Variants in EDA observed in about 807,000 individuals in gnomAD.
The protein encoded by EDA is ectodysplasin-A.
Under a neutral mutation model 23.6 loss-of-function variants are expected in EDA, and 2 were observed. The ratio of observed to expected loss-of-function variants is 0.08; its 90% CI spans 0.03 to 0.27. The LOEUF is 0.27. Among genes scored for constraint, EDA ranks in the 10% least tolerant of loss-of-function variants. The probability of loss-of-function intolerance (pLI) is 1.00; values close to 1 mark genes in which losing one functional copy is unlikely to be tolerated. For synonymous variants in EDA, 131 were observed against 132.0 expected, an observed-to-expected ratio of 0.99 and a Z score of 0.05; for missense variants, 229 against 324.2, an observed-to-expected ratio of 0.71 and a Z score of 2.26.
At chrX:69,990,276 G>A (rs1241338637) in intron 2 of EDA, among the ~76,000 whole-genome samples, 2 of 111,092 alleles carry the variant, frequency 1.8e-5, no homozygotes, top group African/African-American at 6.6e-5. Context: ...TGGAAGTGTA[G>A]GTCCCACACT....
At chrX:69,812,858 T>C (rs1380271938) in intron 1 of EDA, among the ~76,000 whole-genome samples, 1 of 111,857 alleles carries the variant, frequency 8.9e-6, no homozygotes, top group Non-Finnish European at 1.9e-5. Context: ...TTGGTACTCT[T>C]GAAATGTATT....
chrX:69,959,726 T>C (rs1402275265), intron 2 of EDA, among the ~76,000 whole-genome samples: 1 of 110,985 alleles, frequency 9.0e-6, no homozygotes, highest in African/African-American at 3.3e-5. Context: ...TGATAAGTGG[T>C]ATGAAGAAAA....
intron 1 of EDA, among the ~76,000 whole-genome samples, chrX:69,817,784 C>T (rs1226364942): frequency 9.0e-6 from 1 of 111,495 alleles, no homozygotes; most frequent in Non-Finnish European, 1.9e-5. Context: ...GAAGCTTTGA[C>T]ACCCCACTGA....
chrX:70,020,580 C>CATTGTTTATAAATGTACATAACATATAA (rs2020020283), intron 2 of EDA, among the ~76,000 whole-genome samples: 1 of 110,309 alleles, frequency 9.1e-6, no homozygotes, highest in East Asian at 2.8e-4. Flanking sequence ...AAAAGTACAT[C>CATTGTTTATAAATGTACATAACATATAA]ATTGTTTATA....
At chrX:69,916,396 C>CTTTTTTTTTTTT (rs782071176) in intron 1 of EDA, among the ~76,000 whole-genome samples, 3 of 58,151 alleles carry the variant, frequency 5.2e-5, no homozygotes, top group African/African-American at 7.4e-5. Flanking sequence ...CTCTACTGTT[C>CTTTTTTTTTTTT]TTTTTTTTTT....
At chrX:69,842,642 G>A (rs944417531) in intron 1 of EDA, among the ~76,000 whole-genome samples, 1 of 111,714 alleles carries the variant, frequency 9.0e-6, no homozygotes, top group Non-Finnish European at 1.9e-5. Context: ...GCTTGGATCT[G>A]TGTCCCCACC....
intron 2 of EDA, among the ~76,000 whole-genome samples, chrX:69,958,581 C>T (rs2019053790): frequency 9.1e-6 from 1 of 109,687 alleles, no homozygotes; most frequent in Non-Finnish European, 1.9e-5. Context: ...GAGGTGGCAG[C>T]AGCATTGAGC....
chrX:69,896,398 A>AGTGT lies in EDA; in HGVS notation c.397-60598_397-60595dup, dbSNP rs373119823. On this transcript the variant is annotated intron_variant, in intron 1 of 7. Coordinates refer to ENST00000374552, the MANE Select transcript of EDA (RefSeq NM_001399.5). ...GAAAGATGATAAGGGTATGTGCATC[A>AGTGT]GTGTGTGTGTGTGTGTGTGTGTGTG... Among the ~76,000 whole-genome samples, 713 of 97,300 alleles carry AGTGT rather than the reference A, an allele frequency of 7.3e-3. 5 individuals carry two copies. Among genetic ancestry groups the AGTGT allele is most frequent in the African/African-American group, 0.021 (536 of 26,128 alleles). The allele number at this position is 97,300 out of a possible 115,157, so 84.5% of individuals were successfully genotyped here. A position where few individuals can be genotyped will look rare whatever the true frequency, so the allele number is the denominator to read the frequency against.
intron 1 of EDA, among the ~76,000 whole-genome samples, chrX:69,916,703 C>T (rs1203343372): frequency 2.7e-5 from 3 of 110,525 alleles, no homozygotes; most frequent in African/African-American, 9.9e-5. Context: ...CCACACCCGG[C>T]CTAATCTCTT....
intron 1 of EDA, among the ~76,000 whole-genome samples, chrX:69,808,295 C>T (rs1376015334): frequency 1.8e-5 from 2 of 111,659 alleles, no homozygotes; most frequent in Admixed American, 1.9e-4. Context: ...AGAATAGTCC[C>T]ATATGGCAGA....
intron 1 of EDA, among the ~76,000 whole-genome samples, chrX:69,723,440 A>G (rs2214068): frequency 0.34 from 37,281 of 111,063 alleles, 5,238 homozygotes; most frequent in Middle Eastern, 0.57. Flanking sequence ...AATGAAGTTT[A>G]TGAGTCACTT....
At chrX:69,617,280 T>A (rs1343436649) in intron 1 of EDA, 1 of 142,682 alleles carries the variant, frequency 7.0e-6, no homozygotes, top group Non-Finnish European at 1.5e-5. Flanking sequence ...CTAGTGAGGA[T>A]CAGCGCCCCT....
chrX:69,766,978 C>G (rs1003534389), intron 1 of EDA, among the ~76,000 whole-genome samples: 9 of 111,265 alleles, frequency 8.1e-5, no homozygotes, highest in African/African-American at 2.9e-4. Context: ...TTGAGTTGGC[C>G]TTTGCTGAAG....
At chrX:69,623,274 A>G (rs1452867969) in intron 1 of EDA, among the ~76,000 whole-genome samples, 2 of 112,026 alleles carry the variant, frequency 1.8e-5, no homozygotes, top group Non-Finnish European at 3.8e-5. Context: ...TCACCATTTT[A>G]TGGTATTCAG....
chrX:70,005,701 A>G (rs973605521), intron 2 of EDA, among the ~76,000 whole-genome samples: 1 of 109,869 alleles, frequency 9.1e-6, no homozygotes, highest in African/African-American at 3.3e-5. Flanking sequence ...GGTATGTGAA[A>G]GGTGTGGTGG....
intron 1 of EDA, among the ~76,000 whole-genome samples, chrX:69,865,253 TAGAC>T (rs1023597263): frequency 1.8e-5 from 2 of 110,448 alleles, no homozygotes; most frequent in Non-Finnish European, 3.8e-5. Flanking sequence ...AGGGTTTTCT[TAGAC>T]AGAACTAATA....
intron 1 of EDA, among the ~76,000 whole-genome samples, chrX:69,655,481 G>C (rs980755754): frequency 9.1e-6 from 1 of 109,422 alleles, no homozygotes; most frequent in East Asian, 3.0e-4. Flanking sequence ...ATTGTGTCCA[G>C]AAGGTATCAT....
At position 69,997,258 on chromosome X, in the gene EDA, C is replaced by T. The variant is rs778772125; in HGVS notation, c.503-25960C>T. On this transcript the variant is annotated intron_variant, in intron 2 of 7. Coordinates refer to ENST00000374552, the MANE Select transcript of EDA (RefSeq NM_001399.5). ...ACAATAAGGTCCAGGCTGAGGTGGT[C>T]TCAGATAGAGATGAGGAACTTGTTG... Among the ~76,000 whole-genome samples the T allele has an allele frequency of 4.5e-5, 5 of 111,811 alleles. No homozygotes were observed. The South Asian group carries it at 1.9e-3, about 42-fold the overall frequency.
intron 1 of EDA, among the ~76,000 whole-genome samples, chrX:69,689,627 G>A (rs1221821492): frequency 9.2e-5 from 9 of 97,851 alleles, no homozygotes; most frequent in South Asian, 4.6e-4. Flanking sequence ...GAGCCACCGC[G>A]CCCGGCCCAA....
Sources: gnomAD v4.1 joint callset for allele counts (sites outside exome capture counted in the v4.1 genomes callset) on GRCh38, gnomAD v4.1.1 for gene constraint, MANE v1.5 for transcripts, NCBI Gene and HGNC (gene_info 2026-07-23, HGNC 2026-07-21) for gene names.